SLC12A2: variants seen among roughly 807,000 people sequenced by gnomAD.
SLC12A2 encodes Na-K-2Cl cotransporter 1.
Under a neutral mutation model 136.3 loss-of-function variants are expected in SLC12A2, and 67 were observed. That is an observed-to-expected ratio of 0.49 (90% confidence interval 0.40 to 0.60). The LOEUF (loss-of-function observed/expected upper bound fraction) is 0.60. Among genes scored for constraint, SLC12A2 ranks in the 20% least tolerant of loss-of-function variants. The pLI, the probability that SLC12A2 is intolerant of heterozygous loss-of-function variation, is 0.00. For synonymous variants in SLC12A2, 619 were observed against 562.9 expected (o/e 1.10, Z -1.41); for missense variants, 1,322 against 1,534.7 (o/e 0.86, Z 2.32).
intron 1 of SLC12A2, chr5:128,111,026 G>A (rs1454349490): frequency 5.7e-6 from 4 of 707,492 alleles, no homozygotes; most frequent in African/African-American, 1.8e-5. Flanking sequence ...TTAAAATAAT[G>A]GTGCTCTGAA....
At chr5:128,138,751 T>C in intron 8 of SLC12A2, 27 bp downstream of exon 8, 1 of 1,602,662 alleles carries the variant, frequency 6.2e-7, no homozygotes, top group Non-Finnish European at 8.5e-7. Flanking sequence ...GCTATATCAA[T>C]TATATATTTT....
chr5:128,171,573 T>A (rs574065815), intron 18 of SLC12A2, 94 bp from the exon 19 acceptor site: 2 of 769,990 alleles, frequency 2.6e-6, no homozygotes. Context: ...CGAAAGTAAT[T>A]TTAGAGATCA....
chr5:128,115,695 C>A (rs1023388388), intron 4 of SLC12A2, among the ~76,000 whole-genome samples: 1 of 152,180 alleles, frequency 6.6e-6, no homozygotes, highest in Non-Finnish European at 1.5e-5. Context: ...AGCAAATCAA[C>A]TGAGAAAAGA....
chr5:128,110,815 G>A, intron 1 of SLC12A2: 2 of 1,480,952 alleles, frequency 1.4e-6, no homozygotes, highest in East Asian at 2.3e-5. Context: ...ACAAGAATTT[G>A]CAAGAAATAA....
In SLC12A2 at chr5:128,152,742, A is replaced by T. The variant is rs568648235; in HGVS notation, c.2300A>T (p.Tyr767Phe). 6 of 1,613,780 alleles carry T rather than the reference A, an allele frequency of 3.7e-6. No individual in the cohort carries two copies. Among genetic ancestry groups the T allele is most frequent in the Middle Eastern group, 1.7e-4 (1 of 6,056 alleles). The change falls in exon 15 of 27, where the codon TAC (tyrosine) becomes TTC (phenylalanine). Residue 767 changes from tyrosine to phenylalanine, a missense_variant. Around this residue, in one of 8 missense-constraint regions of SLC12A2, gnomAD observed 294 missense variants for 436.6 expected, o/e 0.67. Transcript: ENST00000262461. ...NWGSSTQALT[Y>F]LNALQHSIRL... The stretch of plus-strand genomic sequence containing the variant: ...GGATCCTCTACACAAGCCCTGACTT[A>T]CCTGAATGCACTGCAGCATTCAATT...
chr5:128,172,790 G>A (rs938934697), intron 19 of SLC12A2, among the ~76,000 whole-genome samples: 4 of 151,858 alleles, frequency 2.6e-5, no homozygotes, highest in Admixed American at 1.3e-4. Context: ...GTGAAGCCCC[G>A]TCTCTACTAA....
In SLC12A2 at chr5:128,171,664, T is replaced by C. The variant is rs1197572737; in HGVS notation, c.2724-3T>C. 3 of 1,565,080 alleles carry C rather than the reference T, an allele frequency of 1.9e-6. No individual in the cohort carries two copies. The highest frequency in any genetic ancestry group is 1.4e-5 in the African/African-American group (1 of 71,596). On this transcript the variant is annotated splice_region_variant and splice_polypyrimidine_tract_variant and intron_variant, in intron 18 of 26. Coordinates refer to ENST00000262461, the MANE Select transcript of SLC12A2 (RefSeq NM_001046.3). ...TTTTCATTTTTTGTTTTTTTGTTCT[T>C]AGTGATGCTTTTGACATACAATATG...
At chr5:128,139,849 A>G (rs1174842749) in intron 9 of SLC12A2, among the ~76,000 whole-genome samples, 8 of 152,208 alleles carry the variant, frequency 5.3e-5, no homozygotes, top group Admixed American at 4.6e-4. Flanking sequence ...TTTTTGCTAT[A>G]TATTCACTGA....
chr5:128,149,917 T>C (rs1762645289), intron 12 of SLC12A2, 80 bp from the exon 13 acceptor site: 5 of 982,340 alleles, frequency 5.1e-6, no homozygotes, highest in Non-Finnish European at 6.4e-6. Context: ...CGTTGTTATC[T>C]AAAGATTTGA....
chr5:128,148,938 A>G (rs1400624232), intron 12 of SLC12A2, 61 bp downstream of exon 12: 33 of 1,280,674 alleles, frequency 2.6e-5, no homozygotes, highest in Non-Finnish European at 3.4e-5. Context: ...CTAGACGTTG[A>G]ATTATTAAAT....
chr5:128,151,508 A>T, intron 14 of SLC12A2, 112 bp downstream of exon 14: 1 of 1,027,830 alleles, frequency 9.7e-7, no homozygotes, highest in South Asian at 1.7e-5. Context: ...GTATATTTGA[A>T]AGCTACTTTG....
At chr5:128,142,015 G>C in intron 10 of SLC12A2, 34 bp downstream of exon 10, 1 of 1,584,396 alleles carries the variant, frequency 6.3e-7, no homozygotes, top group Non-Finnish European at 8.7e-7. Flanking sequence ...CAGACATTCT[G>C]TATTTATCTA....
In SLC12A2 at chr5:128,151,350, T is replaced by C. The variant is rs368863797; in HGVS notation, c.2217T>C (p.Tyr739=). 145 of 1,612,292 alleles carry C rather than the reference T, an allele frequency of 9.0e-5. No individual in the cohort carries two copies. In the African/African-American group the frequency reaches 1.0e-3, roughly 11 times the overall value. Reference sequence around the variant, plus strand: ...ACTGGTGGGCTGCATTGCTAACATATGTGATAGTCCTTGGGCTGTATATTT... The same window carrying C: ...ACTGGTGGGCTGCATTGCTAACATACGTGATAGTCCTTGGGCTGTATATTT... ...VINWWAALLT[Y]VIVLGLYIYV... is the part of the protein sequence containing the mutation. Residue 739 remains tyrosine, a synonymous_variant, in exon 14 of 27, where the codon TAT becomes TAC. Transcript: ENST00000262461.
At chr5:128,120,474 G>C (rs1761517630) in intron 4 of SLC12A2, among the ~76,000 whole-genome samples, 1 of 151,786 alleles carries the variant, frequency 6.6e-6, no homozygotes, top group African/African-American at 2.4e-5. Context: ...GTCCAACAAT[G>C]ATAGACTGGA....
At chr5:128,119,706 A>G (rs536064780) in intron 4 of SLC12A2, among the ~76,000 whole-genome samples, 7 of 152,324 alleles carry the variant, frequency 4.6e-5, no homozygotes, top group African/African-American at 1.4e-4. Context: ...TAAAAAATTA[A>G]TTCAAGATGA....
intron 1 of SLC12A2, among the ~76,000 whole-genome samples, chr5:128,103,805 A>T (rs1760829114): frequency 6.6e-6 from 1 of 152,240 alleles, no homozygotes; most frequent in Non-Finnish European, 1.5e-5. Context: ...TCAGCAAAAG[A>T]ACATTATATC....
intron 17 of SLC12A2, among the ~76,000 whole-genome samples, chr5:128,166,610 A>G (rs1763212447): frequency 1.3e-5 from 2 of 152,094 alleles, no homozygotes; most frequent in South Asian, 4.1e-4. Context: ...TATCTAGAAT[A>G]GGCAGATTCA....
Position 128,112,903 on chromosome 5 carries a change from C to A in SLC12A2, c.846C>A (p.Val282=), listed in dbSNP as rs746240313. 1 of 1,612,604 alleles carries A rather than the reference C, an allele frequency of 6.2e-7. No individual in the cohort carries two copies. Residue 282 remains valine, a synonymous_variant, in exon 2 of 27, where the codon GTC becomes GTA. Coordinates refer to ENST00000262461, the MANE Select transcript of SLC12A2 (RefSeq NM_001046.3). The part of the protein sequence containing the change: ...VVTYTAESKG[V]VKFGWIKGVL... ...CGTATACTGCAGAAAGTAAAGGAGTCGTGAAGTTTGGCTGGATCAAGGGTG... is the reference window on the plus strand; with the variant it reads ...CGTATACTGCAGAAAGTAAAGGAGTAGTGAAGTTTGGCTGGATCAAGGGTG...
At chr5:128,160,453 G>A (rs897350973) in intron 16 of SLC12A2, among the ~76,000 whole-genome samples, 7 of 152,028 alleles carry the variant, frequency 4.6e-5, no homozygotes, top group African/African-American at 1.7e-4. Context: ...AAAAATGGGG[G>A]TTGGAAGAAA....
Sources: gnomAD v4.1 joint callset for allele counts (sites outside exome capture counted in the v4.1 genomes callset) on GRCh38, gnomAD v4.1.1 for gene constraint, gnomAD v4.1.1 regional missense constraint, MANE v1.5 for transcripts, NCBI Gene and HGNC (gene_info 2026-07-23, HGNC 2026-07-21) for gene names.